SPSB1: variants seen among roughly 807,000 people sequenced by gnomAD.
SPSB1 encodes the protein SPRY domain-containing SOCS box protein 1.
Under a neutral mutation model 21.2 loss-of-function variants are expected in SPSB1, and 8 were observed. The observed-to-expected ratio is 0.38, with a 90% CI of 0.22 to 0.68. SPSB1 has a LOEUF of 0.68. Among genes scored for constraint, SPSB1 ranks in the 30% least tolerant of loss-of-function variants. SPSB1 has a pLI of 0.53. For missense variants in SPSB1, 242 were observed against 377.8 expected, an observed-to-expected ratio of 0.64 and a Z score of 2.98; for synonymous variants, 169 against 161.7, an observed-to-expected ratio of 1.05 and a Z score of -0.34.
rs558606949 is a variant in SPSB1, at chr1:9,310,928, C to A, written c.-150+17857C>A. Among the ~76,000 whole-genome samples the A allele has an allele frequency of 1.7e-4, 26 of 152,216 alleles. No homozygotes were observed. The South Asian group carries it at 5.4e-3, about 32-fold the overall frequency. On this transcript the variant is annotated intron_variant, in intron 1 of 2. Coordinates refer to ENST00000328089, the MANE Select transcript of SPSB1 (RefSeq NM_025106.4). ...CCAATTCCGTAATATATAAATTATA[C>A]GTACATGTCAGGGTTCTTCTAAAAA...
intron 1 of SPSB1, among the ~76,000 whole-genome samples, chr1:9,297,683 G>A (rs376851691): frequency 6.6e-6 from 1 of 152,176 alleles, no homozygotes; most frequent in South Asian, 2.1e-4. Context: ...TTGGCTGACT[G>A]GAACATGGAT....
chr1:9,347,667 C>T (rs1640185126), intron 1 of SPSB1, among the ~76,000 whole-genome samples: 1 of 152,218 alleles, frequency 6.6e-6, no homozygotes, highest in Non-Finnish European at 1.5e-5. Flanking sequence ...TTTGGAGGGG[C>T]TGCATGGAGC....
rs991506185 is a variant in SPSB1, at chr1:9,367,320, G to A, written c.695-128G>A. ...GCTAAATTTAAAATGAAAAAGCATT[G>A]CATTTTTCATTGTTTCTTTACTGAT... On this transcript the variant is annotated intron_variant, in intron 2 of 2. Transcript: ENST00000328089. The surrounding 1 kb of genome is among the most constrained non-coding windows in gnomAD (Gnocchi z 5.9). 5 of 1,521,782 alleles carry A rather than the reference G, an allele frequency of 3.3e-6. No individual in the cohort carries two copies. The highest frequency in any genetic ancestry group is 3.6e-6 in the Non-Finnish European group (4 of 1,114,990). The allele number at this position is 1,521,782 out of a possible 1,614,324, so 94.3% of individuals were successfully genotyped here. A position where few individuals can be genotyped will look rare whatever the true frequency, so the allele number is the denominator to read the frequency against.
intron 1 of SPSB1, among the ~76,000 whole-genome samples, chr1:9,303,893 T>A (rs532568803): frequency 6.6e-6 from 1 of 152,336 alleles, no homozygotes; most frequent in South Asian, 2.1e-4. Flanking sequence ...TTCTCAATGC[T>A]TCAGCACACA....
intron 1 of SPSB1, among the ~76,000 whole-genome samples, chr1:9,307,930 G>C (rs1639448989): frequency 6.6e-6 from 1 of 152,152 alleles, no homozygotes; most frequent in Non-Finnish European, 1.5e-5. Flanking sequence ...CCCCTCAACT[G>C]TGATGCCAGA....
chr1:9,294,836 A>AC (rs1216344747), intron 1 of SPSB1, among the ~76,000 whole-genome samples: 6 of 151,200 alleles, frequency 4.0e-5, no homozygotes, highest in African/African-American at 7.3e-5. Context: ...CCCTCCTCAG[A>AC]CCCCCCTCCC....
intron 1 of SPSB1, among the ~76,000 whole-genome samples, chr1:9,319,404 CCCTCCTCCTT>C: frequency 6.6e-6 from 1 of 152,208 alleles, no homozygotes; most frequent in South Asian, 2.1e-4. Context: ...CCTCCCTCCT[CCCTCCTCCTT>C]CCTCCCTCCT....
At chr1:9,303,087 T>C (rs1250813042) in intron 1 of SPSB1, among the ~76,000 whole-genome samples, 1 of 151,978 alleles carries the variant, frequency 6.6e-6, no homozygotes, top group Non-Finnish European at 1.5e-5. Context: ...AGGGGAGTGA[T>C]GGTGTTGGCT....
chr1:9,349,452 T>C (rs1283231808), intron 1 of SPSB1, among the ~76,000 whole-genome samples: 1 of 152,192 alleles, frequency 6.6e-6, no homozygotes, highest in Non-Finnish European at 1.5e-5. Flanking sequence ...CCAGCTGAGC[T>C]CAACCAGAGA....
chr1:9,302,301 C>G (rs1639342746), intron 1 of SPSB1, among the ~76,000 whole-genome samples: 1 of 152,218 alleles, frequency 6.6e-6, no homozygotes, highest in Non-Finnish European at 1.5e-5. Flanking sequence ...ATTGATTATT[C>G]TCTATGCTTC....
At chr1:9,343,246 CCT>C (rs1164200365) in intron 1 of SPSB1, among the ~76,000 whole-genome samples, 1 of 152,186 alleles carries the variant, frequency 6.6e-6, no homozygotes, top group Non-Finnish European at 1.5e-5. Context: ...CTAAAAGAAA[CCT>C]CTGTCACTTC....
rs1017303185 is a variant in SPSB1 at position 9,317,600 on chromosome 1, G to T, written c.-150+24529G>T. Among the ~76,000 whole-genome samples, 4 of 152,120 alleles carry T rather than the reference G, an allele frequency of 2.6e-5. No homozygotes were observed. Among genetic ancestry groups the T allele is most frequent in the African/African-American group, 9.7e-5 (4 of 41,412 alleles). On this transcript the variant is annotated intron_variant, in intron 1 of 2. Coordinates refer to ENST00000328089, the MANE Select transcript of SPSB1 (RefSeq NM_025106.4). The surrounding 1 kb of genome is among the most constrained non-coding windows in gnomAD (Gnocchi z 4.3). ...TCCTCACACCTCAGCCTCTTGAGTA[G>T]CTGGGACCTCAGGTATGCACTACCA...
At position 9,369,294 on chromosome 1, in the gene SPSB1, G is replaced by A. The variant is rs896279326; in HGVS notation, c.*1719G>A. 1.3e-5 allele frequency: 2 copies of A among 151,670 alleles called. No individual in the cohort carries two copies. Among genetic ancestry groups the A allele is most frequent in the South Asian group, 2.1e-4 (1 of 4,802 alleles). 9.4% of individuals were successfully genotyped at this position (151,670 alleles called of 1,614,324 possible). A position where few individuals can be genotyped will look rare whatever the true frequency, so the allele number is the denominator to read the frequency against. Reference sequence around the variant, plus strand: ...TCAGGTGGGTCACATTCTGATGAATGTTTCCCTTGTACAGATCCCAGCTTA... The same window carrying A: ...TCAGGTGGGTCACATTCTGATGAATATTTCCCTTGTACAGATCCCAGCTTA... On this transcript the variant is annotated 3_prime_UTR_variant, in exon 3 of 3. Coordinates refer to ENST00000328089, the MANE Select transcript of SPSB1 (RefSeq NM_025106.4).
intron 1 of SPSB1, among the ~76,000 whole-genome samples, chr1:9,352,643 T>TCCTCCCTCCTCTGCCTCCC (rs1640280471): frequency 1.3e-5 from 2 of 151,824 alleles, no homozygotes; most frequent in South Asian, 2.1e-4. Flanking sequence ...AGCTCCCTCC[T>TCCTCCCTCCTCTGCCTCCC]CCTCCCTCCT....
intron 1 of SPSB1, among the ~76,000 whole-genome samples, chr1:9,318,114 T>TGAC (rs1639644288): frequency 6.6e-6 from 1 of 152,182 alleles, no homozygotes; most frequent in African/African-American, 2.4e-5. Flanking sequence ...TAGGGAGAGA[T>TGAC]GACGTTCCCT....
rs1033172870 is a variant in SPSB1, at chr1:9,321,626, G to A, written c.-150+28555G>A. Among the ~76,000 whole-genome samples, 4 of 152,208 alleles carry A rather than the reference G, an allele frequency of 2.6e-5. No individual in the cohort carries two copies. In the South Asian group the frequency reaches 8.3e-4, roughly 32 times the overall value. ...GCTAATGCTGTGTTTCATCACATCT[G>A]AGACCCGTCGACCGTGAGCTTCACC... On this transcript the variant is annotated intron_variant, in intron 1 of 2. Coordinates refer to ENST00000328089, the MANE Select transcript of SPSB1 (RefSeq NM_025106.4). This position sits in a 1 kb window ranked among gnomAD's most constrained non-coding sequence, Gnocchi z 4.8.
chr1:9,319,184 AAAAAC>A (rs565650747), intron 1 of SPSB1, among the ~76,000 whole-genome samples: 1 of 152,158 alleles, frequency 6.6e-6, no homozygotes, highest in Non-Finnish European at 1.5e-5. Flanking sequence ...CCATCTCAAA[AAAAAC>A]AAAACAACAG....
At chr1:9,294,669 CAT>C (rs1174459483) in intron 1 of SPSB1, 2 of 152,162 alleles carry the variant, frequency 1.3e-5, no homozygotes, top group African/African-American at 2.4e-5. Context: ...AACAGGTGTT[CAT>C]GGTAAAAGCG....
chr1:9,309,261 G>GGGGA (rs1491287377), intron 1 of SPSB1, among the ~76,000 whole-genome samples: 45 of 147,148 alleles, frequency 3.1e-4, no homozygotes, highest in African/African-American at 1.1e-3. Flanking sequence ...GCTCCCCTGC[G>GGGGA]GAGAGAGAGA....
Sources: allele counts gnomAD v4.1 joint callset (sites outside exome capture counted in the v4.1 genomes callset), GRCh38; gene constraint gnomAD v4.1.1; non-coding constraint Gnocchi (gnomAD v3.1); transcripts MANE v1.5; gene names NCBI Gene and HGNC (gene_info 2026-07-23, HGNC 2026-07-21).